The following LUC7L variants were observed in gnomAD, a reference collection of about 807,000 sequenced individuals.
The protein encoded by LUC7L is putative RNA-binding protein Luc7-like 1.
In LUC7L, 29 loss-of-function variants were observed where a neutral mutation model predicts 51.1. The ratio of observed to expected loss-of-function variants is 0.57; its 90% CI spans 0.42 to 0.77. The LOEUF is 0.77. LUC7L is among the 30% of genes least tolerant of loss of function. The probability of loss-of-function intolerance (pLI) is 0.00; values close to 1 mark genes in which losing one functional copy is unlikely to be tolerated. For missense variants in LUC7L, 403 were observed against 511.9 expected (o/e 0.79, Z 2.05); for synonymous variants, 181 against 180.7 (o/e 1.00, Z -0.01).
intron 2 of LUC7L, among the ~76,000 whole-genome samples, chr16:221,849 G>T (rs1180628437): frequency 2.0e-5 from 3 of 152,220 alleles, no homozygotes; most frequent in Non-Finnish European, 4.4e-5. Context: ...ACAGAAGTTA[G>T]ATTTTGGCAA....
chr16:220,961 A>T (rs973975811), intron 2 of LUC7L, among the ~76,000 whole-genome samples: 2 of 152,212 alleles, frequency 1.3e-5, no homozygotes, highest in African/African-American at 4.8e-5. Context: ...TGCATTTAAT[A>T]GTGTAAAGTT....
At chr16:213,914 C>T (rs2049714950) in intron 3 of LUC7L, among the ~76,000 whole-genome samples, 2 of 151,824 alleles carry the variant, frequency 1.3e-5, no homozygotes, top group African/African-American at 4.8e-5. Flanking sequence ...TGGGGTCTCA[C>T]TATCTTGGCC....
chr16:229,350 G>T lies in LUC7L; in HGVS notation c.-11C>A. 1 of 1,496,852 alleles carries T rather than the reference G, an allele frequency of 6.7e-7. No individual in the cohort carries two copies. 92.7% of individuals were successfully genotyped at this position (1,496,852 alleles called of 1,614,324 possible). On this transcript the variant is annotated 5_prime_UTR_variant, in exon 1 of 10. Coordinates refer to ENST00000293872, the MANE Select transcript of LUC7L (RefSeq NM_201412.3). ...CGCCTGGGCGGACATGGTAGCCGGC[G>T]GAGGCGACGGGGTCGGCCGCGACGA...
chr16:198,596 C>T (rs539587744), intron 6 of LUC7L, among the ~76,000 whole-genome samples: 2 of 152,306 alleles, frequency 1.3e-5, no homozygotes, highest in African/African-American at 4.8e-5. Flanking sequence ...CTCCTTTGGA[C>T]TCTGAGCTAT....
At chr16:190,876 G>T in intron 7 of LUC7L, 1 of 289,032 alleles carries the variant, frequency 3.5e-6, no homozygotes. Context: ...ATAAAACTTT[G>T]TCTCAAAAAG....
intron 2 of LUC7L, among the ~76,000 whole-genome samples, chr16:223,859 A>T (rs1177749175): frequency 6.6e-6 from 1 of 151,726 alleles, no homozygotes; most frequent in Admixed American, 6.6e-5. Flanking sequence ...TTTAGTAGAG[A>T]CAGGTTTTCA....
At chr16:190,622 G>C (rs749893792) in intron 7 of LUC7L, 52 bp from the exon 8 acceptor site, 7 of 1,563,834 alleles carry the variant, frequency 4.5e-6, no homozygotes, top group Non-Finnish European at 6.2e-6. Flanking sequence ...GCTCACACCT[G>C]TAATCCCAGC....
rs1567172133 is a variant in LUC7L at position 192,962 on chromosome 16, TCTC to T, written c.738_740del (p.Arg247del). Reference sequence around the variant, plus strand: ...GACGCTCCTCCCGTTCCCTCTCCTCTCTCCTCCTCAAGCGATCCTGATTTCTCT... The same window carrying T: ...GACGCTCCTCCCGTTCCCTCTCCTCTCTCCTCAAGCGATCCTGATTTCTCT... On this transcript the variant is annotated inframe_deletion, in exon 7 of 10. Coordinates refer to ENST00000293872, the MANE Select transcript of LUC7L (RefSeq NM_201412.3). The T allele has an allele frequency of 6.2e-7, 1 of 1,613,430 alleles. No individual in the cohort carries two copies.
intron 6 of LUC7L, among the ~76,000 whole-genome samples, chr16:195,067 T>A (rs2049113501): frequency 6.6e-6 from 1 of 152,146 alleles, no homozygotes; most frequent in Admixed American, 6.6e-5. Context: ...CTCTAAACTT[T>A]CACCCATGCT....
At chr16:221,731 C>A in intron 2 of LUC7L, among the ~76,000 whole-genome samples, 1 of 151,868 alleles carries the variant, frequency 6.6e-6, no homozygotes, top group Non-Finnish European at 1.5e-5. Context: ...AAGGAAAGGG[C>A]CAGAAAACAG....
intron 6 of LUC7L, among the ~76,000 whole-genome samples, chr16:197,906 T>A (rs1362478843): frequency 6.6e-6 from 1 of 152,168 alleles, no homozygotes; most frequent in African/African-American, 2.4e-5. Flanking sequence ...GCTCCATCAG[T>A]GTGAAGGGAG....
chr16:206,299 T>C (rs917867761), intron 4 of LUC7L, 152 bp from the exon 5 acceptor site: 9 of 732,882 alleles, frequency 1.2e-5, no homozygotes, highest in East Asian at 1.1e-4. Context: ...ACTGCCAGCA[T>C]TGAGACTGTA....
chr16:220,320 C>T (rs889032141), intron 3 of LUC7L: 1 of 179,602 alleles, frequency 5.6e-6, no homozygotes, highest in African/African-American at 2.4e-5. Flanking sequence ...TGATACTGAA[C>T]CAAAAAAATC....
chr16:228,921 C>A, intron 1 of LUC7L: 1 of 1,368,192 alleles, frequency 7.3e-7, no homozygotes, highest in South Asian at 1.2e-5. Context: ...TGCCACCCGG[C>A]TGCCAGCGAC....
intron 6 of LUC7L, among the ~76,000 whole-genome samples, chr16:196,940 C>T (rs545779230): frequency 1.4e-5 from 2 of 143,832 alleles, no homozygotes; most frequent in Non-Finnish European, 3.0e-5. Flanking sequence ...CAGAGTCTCG[C>T]TCTGTCGCCC....
At chr16:229,081 C>G in intron 1 of LUC7L, 198 bp downstream of exon 1, 1 of 1,410,680 alleles carries the variant, frequency 7.1e-7, no homozygotes, top group Non-Finnish European at 9.2e-7. Context: ...AGAGAGGAGC[C>G]CGACCTGGAC....
intron 7 of LUC7L, 61 bp downstream of exon 7, chr16:192,866 G>A (rs2049046164): frequency 1.0e-5 from 14 of 1,390,346 alleles, no homozygotes; most frequent in Admixed American, 3.4e-5. Context: ...ACAGTGGAAT[G>A]GACCGAGCAG....
At chr16:194,455 T>C (rs1194243578) in intron 6 of LUC7L, among the ~76,000 whole-genome samples, 2 of 152,214 alleles carry the variant, frequency 1.3e-5, no homozygotes, top group African/African-American at 2.4e-5. Flanking sequence ...AGTGGTGCTA[T>C]ACTTCTAACT....
intron 6 of LUC7L, among the ~76,000 whole-genome samples, chr16:197,864 C>G (rs1379159989): frequency 6.6e-6 from 1 of 152,202 alleles, no homozygotes; most frequent in Non-Finnish European, 1.5e-5. Flanking sequence ...TCCCACCATC[C>G]TATCCTGAGG....
Sources: gnomAD v4.1 joint callset for allele counts (sites outside exome capture counted in the v4.1 genomes callset) on GRCh38, gnomAD v4.1.1 for gene constraint, MANE v1.5 for transcripts, NCBI Gene and HGNC (gene_info 2026-07-23, HGNC 2026-07-21) for gene names.